The following ASCC3 variants were observed in gnomAD, a reference collection of about 807,000 sequenced individuals.
ASCC3 encodes activating signal cointegrator 1 complex subunit 3, also known as ASC-1 complex subunit P200.
In ASCC3, 158 loss-of-function variants were observed where a neutral mutation model predicts 256.3. The observed-to-expected ratio is 0.62, with a 90% CI of 0.54 to 0.70. The LOEUF is 0.70. Ranked by LOEUF, ASCC3 falls within the 30% of genes least tolerant of loss-of-function variation. The pLI is 0.00. For synonymous variants in ASCC3, 948 were observed against 883.4 expected (o/e 1.07, Z -1.30); for missense variants, 2,259 against 2,626.0 (o/e 0.86, Z 3.05).
chr6:100,668,694 C>G lies in ASCC3; in HGVS notation c.2287-6158G>C, dbSNP rs532032544. Among the ~76,000 whole-genome samples, 8 of 151,978 alleles carry G rather than the reference C, an allele frequency of 5.3e-5. No homozygotes were observed. In the East Asian group the frequency reaches 1.5e-3, roughly 29 times the overall value. On this transcript the variant is annotated intron_variant, in intron 14 of 41. Coordinates refer to ENST00000369162, the MANE Select transcript of ASCC3 (RefSeq NM_006828.4). ...AAGAACTTTAGAAAACAGAATTCAT[C>G]AATGCATTAAAACAAAATGCCACAA...
At chr6:100,750,422 A>T (rs1481510616) in intron 10 of ASCC3, among the ~76,000 whole-genome samples, 1 of 152,028 alleles carries the variant, frequency 6.6e-6, no homozygotes, top group Non-Finnish European at 1.5e-5. Flanking sequence ...CTATCAATAA[A>T]GTTTAATTTT....
At chr6:100,874,820 A>C (rs1233756752) in intron 1 of ASCC3, among the ~76,000 whole-genome samples, 1 of 152,166 alleles carries the variant, frequency 6.6e-6, no homozygotes, top group Non-Finnish European at 1.5e-5. Context: ...TAAAGAAGGA[A>C]GCTGAGCTTG....
At chr6:100,708,268 A>C (rs1299189752) in intron 13 of ASCC3, among the ~76,000 whole-genome samples, 1 of 152,124 alleles carries the variant, frequency 6.6e-6, no homozygotes, top group Non-Finnish European at 1.5e-5. Context: ...TTCCAAGACA[A>C]TGCTTCTTTA....
At position 100,826,439 on chromosome 6, in the gene ASCC3, C is replaced by T. The variant is rs373598634; in HGVS notation, c.802-20559G>A. On this transcript the variant is annotated intron_variant, in intron 4 of 41. Transcript: ENST00000369162. ...AGCCACTGCACCTGGCCAAACTGTA[C>T]TTTACATAATATTTTTTAAGTCTAA... Among the ~76,000 whole-genome samples the T allele has an allele frequency of 5.3e-5, 8 of 152,206 alleles. No homozygotes were observed. The East Asian group carries it at 5.8e-4, about 11-fold the overall frequency.
At chr6:100,517,286 T>A (rs1305652833) in intron 38 of ASCC3, among the ~76,000 whole-genome samples, 2 of 151,690 alleles carry the variant, frequency 1.3e-5, no homozygotes, top group African/African-American at 4.8e-5. Flanking sequence ...TGAACAGGAG[T>A]AGGGAGTGCA....
At chr6:100,713,726 T>A (rs1455524348) in intron 13 of ASCC3, among the ~76,000 whole-genome samples, 1 of 152,100 alleles carries the variant, frequency 6.6e-6, no homozygotes, top group Non-Finnish European at 1.5e-5. Context: ...ACTGTATTTT[T>A]AAAAAAACTA....
chr6:100,843,958 T>C (rs1055785682), intron 4 of ASCC3, among the ~76,000 whole-genome samples: 3 of 151,782 alleles, frequency 2.0e-5, no homozygotes, highest in Non-Finnish European at 4.4e-5. Context: ...ATGTCTCATA[T>C]ATATTATCTC....
At chr6:100,810,934 T>C (rs1348882129) in intron 4 of ASCC3, among the ~76,000 whole-genome samples, 2 of 152,042 alleles carry the variant, frequency 1.3e-5, no homozygotes, top group African/African-American at 4.8e-5. Flanking sequence ...CTAGACAAAA[T>C]AATAAACACA....
At chr6:100,858,987 T>G in intron 3 of ASCC3, 1 of 682,222 alleles carries the variant, frequency 1.5e-6, no homozygotes, top group Non-Finnish European at 2.7e-6. Flanking sequence ...CATTCTCCAT[T>G]AAAGCCATCA....
At chr6:100,676,995 T>C (rs1582679275) in intron 14 of ASCC3, among the ~76,000 whole-genome samples, 1 of 152,156 alleles carries the variant, frequency 6.6e-6, no homozygotes. Flanking sequence ...TGTACTGCTG[T>C]AGCAAATTTA....
intron 37 of ASCC3, among the ~76,000 whole-genome samples, chr6:100,539,954 G>A (rs924679012): frequency 6.6e-6 from 1 of 152,054 alleles, no homozygotes; most frequent in Non-Finnish European, 1.5e-5. Flanking sequence ...CCTTCAATAT[G>A]TTTTAGTAGA....
At chr6:100,730,984 A>G (rs1360605256) in intron 10 of ASCC3, among the ~76,000 whole-genome samples, 2 of 152,208 alleles carry the variant, frequency 1.3e-5, no homozygotes, top group African/African-American at 2.4e-5. Context: ...TTCTCACAGC[A>G]TATTGTTTTT....
chr6:100,742,601 G>C (rs1416987440), intron 10 of ASCC3, among the ~76,000 whole-genome samples: 1 of 152,218 alleles, frequency 6.6e-6, no homozygotes, highest in Non-Finnish European at 1.5e-5. Flanking sequence ...GTACTGCCCA[G>C]TGAGGGCAAA....
At chr6:100,880,746 A>G (rs1769259281) in intron 1 of ASCC3, among the ~76,000 whole-genome samples, 1 of 152,198 alleles carries the variant, frequency 6.6e-6, no homozygotes, top group South Asian at 2.1e-4. Context: ...GAAAAAAAGA[A>G]AACAAATTAC....
At chr6:100,599,962 A>C (rs776064230) in intron 34 of ASCC3, among the ~76,000 whole-genome samples, 1 of 152,056 alleles carries the variant, frequency 6.6e-6, no homozygotes, top group Non-Finnish European at 1.5e-5. Flanking sequence ...TTTAATTCTC[A>C]ATATGACCCA....
intron 5 of ASCC3, among the ~76,000 whole-genome samples, chr6:100,805,005 T>C (rs1452130980): frequency 6.6e-6 from 1 of 152,090 alleles, no homozygotes; most frequent in Non-Finnish European, 1.5e-5. Context: ...TCAACCTAAG[T>C]GCCCATCAAC....
Position 100,723,902 on chromosome 6 carries a change from A to ATATATATATATAT in ASCC3, c.1902+1636_1902+1637insATATATATATATA, listed in dbSNP as rs1233478212. Among the ~76,000 whole-genome samples the ATATATATATATAT allele has an allele frequency of 7.1e-5, 9 of 126,718 alleles. No individual in the cohort carries two copies. In the East Asian group the frequency reaches 7.3e-4, roughly 10 times the overall value. The allele number at this position is 126,718 out of a possible 152,430, so 83.1% of individuals were successfully genotyped here. On this transcript the variant is annotated intron_variant, in intron 11 of 41. Coordinates refer to ENST00000369162, the MANE Select transcript of ASCC3 (RefSeq NM_006828.4). ...TATATATATATATATATATATTTAT[A>ATATATATATATAT]ATTATATATATGACACATATATATA...
At chr6:100,617,521 T>C (rs1773729513) in intron 30 of ASCC3, among the ~76,000 whole-genome samples, 2 of 152,190 alleles carry the variant, frequency 1.3e-5, no homozygotes, top group Non-Finnish European at 2.9e-5. Context: ...GTAAAACTTC[T>C]AGAAGTTGTA....
intron 37 of ASCC3, among the ~76,000 whole-genome samples, chr6:100,533,220 T>C (rs1775003383): frequency 6.6e-6 from 1 of 152,160 alleles, no homozygotes; most frequent in Non-Finnish European, 1.5e-5. Flanking sequence ...CAAAACCTTT[T>C]CAACAGAATA....
Sources: gnomAD v4.1 joint callset for allele counts (sites outside exome capture counted in the v4.1 genomes callset) on GRCh38, gnomAD v4.1.1 for gene constraint, MANE v1.5 for transcripts, NCBI Gene and HGNC (gene_info 2026-07-23, HGNC 2026-07-21) for gene names.